Variants in KLHL3 observed in about 807,000 individuals in gnomAD.
The protein encoded by KLHL3 is kelch like family member 3.
Under a neutral mutation model 70.5 loss-of-function variants are expected in KLHL3, and 19 were observed. The ratio of observed to expected loss-of-function variants is 0.27; its 90% CI spans 0.19 to 0.40. KLHL3 has a LOEUF of 0.40. Among genes scored for constraint, KLHL3 ranks in the 10% least tolerant of loss-of-function variants. The pLI is 1.00. For missense variants in KLHL3, 512 were observed against 771.1 expected (o/e 0.66, Z 3.98); for synonymous variants, 258 against 290.3 (o/e 0.89, Z 1.13).
At chr5:137,670,788 T>C (rs1327046615) in intron 6 of KLHL3, among the ~76,000 whole-genome samples, 1 of 151,368 alleles carries the variant, frequency 6.6e-6, no homozygotes, top group African/African-American at 2.4e-5. Context: ...ACCAATATGA[T>C]GAAACCCCGT....
Position 137,621,912 on chromosome 5 carries a change from G to A in KLHL3, c.*186C>T. 1 of 659,534 alleles carries A rather than the reference G, an allele frequency of 1.5e-6. No homozygotes were observed. The highest frequency in any genetic ancestry group is 2.7e-5 in the East Asian group (1 of 37,220). 40.9% of individuals were successfully genotyped at this position (659,534 alleles called of 1,614,324 possible). ...GGGCATAGGCCAGAGCACCTCAGGGGAACGGGGGTGGGTAATGGTGTCCAC... is the reference window on the plus strand; with the variant it reads ...GGGCATAGGCCAGAGCACCTCAGGGAAACGGGGGTGGGTAATGGTGTCCAC... On this transcript the variant is annotated 3_prime_UTR_variant, in exon 15 of 15. Transcript: ENST00000309755.
intron 1 of KLHL3, among the ~76,000 whole-genome samples, chr5:137,728,744 G>A (rs770863744): frequency 6.6e-6 from 1 of 152,072 alleles, no homozygotes; most frequent in African/African-American, 2.4e-5. Context: ...AGCAATGTTT[G>A]GGGGAATCCA....
chr5:137,691,802 A>G (rs547695891), intron 5 of KLHL3, among the ~76,000 whole-genome samples: 53 of 151,082 alleles, frequency 3.5e-4, no homozygotes, highest in African/African-American at 1.3e-3. Flanking sequence ...TATTTTTAAT[A>G]GAGACGGGGG....
intron 1 of KLHL3, among the ~76,000 whole-genome samples, chr5:137,728,687 G>A (rs987989859): frequency 5.9e-5 from 9 of 152,146 alleles, no homozygotes; most frequent in Admixed American, 4.6e-4. Context: ...TAAAAAACAT[G>A]CTAGAAAGGC....
intron 6 of KLHL3, among the ~76,000 whole-genome samples, chr5:137,675,320 T>C (rs1751858659): frequency 6.6e-6 from 1 of 152,198 alleles, no homozygotes; most frequent in African/African-American, 2.4e-5. Context: ...TGTTTGTTTC[T>C]GGAAAGATAT....
intron 4 of KLHL3, 197 bp from the exon 5 acceptor site, chr5:137,692,644 TTCTC>T (rs1752351078): frequency 1.7e-6 from 1 of 574,020 alleles, no homozygotes. Flanking sequence ...CACCAGCAGA[TTCTC>T]TGTATCCCTA....
chr5:137,682,424 A>AGAGAGAGAGAGAGAGAGAGAGAGAGG (rs1752053312), intron 5 of KLHL3, among the ~76,000 whole-genome samples: 1 of 151,918 alleles, frequency 6.6e-6, no homozygotes, highest in African/African-American at 2.4e-5. Context: ...AGAGAGAGAG[A>AGAGAGAGAGAGAGAGAGAGAGAGAGG]GAGAGAGAGA....
chr5:137,621,990 C>A lies in KLHL3; in HGVS notation c.*108G>T. ...AGTCAGAGGAGAGCGGTTCTCACAG[C>A]AGCACAGACCCTCCCAAGCAAGTTG... On this transcript the variant is annotated 3_prime_UTR_variant, in exon 15 of 15. Transcript: ENST00000309755. 2 of 1,179,908 alleles carry A rather than the reference C, an allele frequency of 1.7e-6. No homozygotes were observed. Among genetic ancestry groups the A allele is most frequent in the South Asian group, 1.2e-5 (1 of 81,614 alleles). The allele number at this position is 1,179,908 out of a possible 1,614,324, so 73.1% of individuals were successfully genotyped here. A position where few individuals can be genotyped will look rare whatever the true frequency, so the allele number is the denominator to read the frequency against.
intron 5 of KLHL3, among the ~76,000 whole-genome samples, chr5:137,689,862 C>A (rs1752273574): frequency 6.6e-6 from 1 of 152,176 alleles, no homozygotes; most frequent in Non-Finnish European, 1.5e-5. Context: ...CTCCCCAAAC[C>A]TCAGACAACT....
At position 137,705,916 on chromosome 5, in the gene KLHL3, G is replaced by A. The variant is rs191911570; in HGVS notation, c.241+3834C>T. The A allele has an allele frequency of 1.4e-3, 842 of 604,242 alleles. 1 individual carries two copies. Among genetic ancestry groups the A allele is most frequent in the Middle Eastern group, 4.2e-3 (5 of 1,196 alleles). The allele number at this position is 604,242 out of a possible 1,614,324, so 37.4% of individuals were successfully genotyped here. ...TTTCATCTTTATAGGAAAAAGATGGGCAGAACACAGCACTACTGGCCTCCC... is the reference window on the plus strand; with the variant it reads ...TTTCATCTTTATAGGAAAAAGATGGACAGAACACAGCACTACTGGCCTCCC... On this transcript the variant is annotated intron_variant, in intron 3 of 14. Coordinates refer to ENST00000309755, the MANE Select transcript of KLHL3 (RefSeq NM_017415.3).
At chr5:137,630,333 C>G (rs3798136) in intron 12 of KLHL3, among the ~76,000 whole-genome samples, 53,607 of 151,922 alleles carry the variant, frequency 0.35, 10,174 homozygotes, top group East Asian at 0.53. Context: ...AGAGACAGGA[C>G]TAGGGCCAGG....
chr5:137,645,193 C>T (rs1751013031), intron 8 of KLHL3, among the ~76,000 whole-genome samples: 1 of 152,122 alleles, frequency 6.6e-6, no homozygotes, highest in Admixed American at 6.5e-5. Context: ...TATGACAAAC[C>T]CGCAGCTAAC....
intron 1 of KLHL3, among the ~76,000 whole-genome samples, chr5:137,730,029 A>C (rs1753149538): frequency 6.6e-6 from 1 of 152,224 alleles, no homozygotes; most frequent in Non-Finnish European, 1.5e-5. Flanking sequence ...AGTAAGGTAC[A>C]GATCGAGTTA....
chr5:137,724,922 C>A (rs932028251), intron 1 of KLHL3: 2 of 355,928 alleles, frequency 5.6e-6, no homozygotes, highest in African/African-American at 2.2e-5. Context: ...AGCTCACAAC[C>A]TATACCCTCC....
chr5:137,658,755 G>A lies in KLHL3; in HGVS notation c.754-475C>T, dbSNP rs576689232. Among the ~76,000 whole-genome samples the A allele has an allele frequency of 9.2e-5, 14 of 152,240 alleles. No homozygotes were observed. The East Asian group carries it at 9.7e-4, about 10-fold the overall frequency. ...CCATCAGCCAACCTTTGGAGGCATT[G>A]AGTAAAATAAGCTTGTCAAGGAGAA... is the stretch of plus-strand genomic sequence containing the variant. On this transcript the variant is annotated intron_variant, in intron 7 of 14. Transcript: ENST00000309755.
chr5:137,684,949 G>C (rs1448607780), intron 5 of KLHL3, among the ~76,000 whole-genome samples: 1 of 152,174 alleles, frequency 6.6e-6, no homozygotes, highest in African/African-American at 2.4e-5. Flanking sequence ...TCCAGAGGAA[G>C]CAGGAGGGAC....
intron 6 of KLHL3, among the ~76,000 whole-genome samples, chr5:137,674,905 T>C (rs1222259451): frequency 6.6e-6 from 1 of 152,222 alleles, no homozygotes; most frequent in East Asian, 1.9e-4. Flanking sequence ...AGCATTAAAA[T>C]GAAAAACATC....
intron 14 of KLHL3, among the ~76,000 whole-genome samples, chr5:137,623,246 A>C (rs1457848385): frequency 6.6e-6 from 1 of 152,216 alleles, no homozygotes; most frequent in Non-Finnish European, 1.5e-5. Flanking sequence ...TACAGGCAGG[A>C]TATTACTGCA....
intron 1 of KLHL3, among the ~76,000 whole-genome samples, chr5:137,725,444 T>C (rs1242422011): frequency 6.6e-6 from 1 of 152,148 alleles, no homozygotes; most frequent in South Asian, 2.1e-4. Context: ...CAGTGTTAAT[T>C]CATATGTGCC....
Sources: allele counts gnomAD v4.1 joint callset (sites outside exome capture counted in the v4.1 genomes callset), GRCh38; gene constraint gnomAD v4.1.1; transcripts MANE v1.5; gene names NCBI Gene and HGNC (gene_info 2026-07-23, HGNC 2026-07-21).